HIVEP3: variants seen among roughly 807,000 people sequenced by gnomAD.
HIVEP3 encodes transcription factor HIVEP3.
A neutral mutation model predicts 152.8 loss-of-function variants in HIVEP3; 49 were observed. The observed-to-expected ratio is 0.32, with a 90% CI of 0.26 to 0.41. The LOEUF is 0.41. Among genes scored for constraint, HIVEP3 ranks in the 10% least tolerant of loss-of-function variants. HIVEP3 has a pLI of 1.00. For synonymous variants in HIVEP3, 1,269 were observed against 1,289.0 expected, an observed-to-expected ratio of 0.98 and a Z score of 0.33; for missense variants, 2,790 against 3,103.3, an observed-to-expected ratio of 0.90 and a Z score of 2.40.
intron 1 of HIVEP3, among the ~76,000 whole-genome samples, chr1:41,955,560 G>T (rs1645136079): frequency 1.3e-5 from 2 of 152,164 alleles, no homozygotes; most frequent in Admixed American, 6.5e-5. Flanking sequence ...GTCCTGTGAT[G>T]CATCCTGCCA....
chr1:41,997,246 G>C (rs963729222), intron 1 of HIVEP3, among the ~76,000 whole-genome samples: 1 of 152,206 alleles, frequency 6.6e-6, no homozygotes, highest in Non-Finnish European at 1.5e-5. Context: ...AGGGGTCATA[G>C]ACCCAACCTC....
chr1:41,575,165 A>G (rs1160397306), intron 5 of HIVEP3, among the ~76,000 whole-genome samples: 2 of 152,204 alleles, frequency 1.3e-5, no homozygotes, highest in Non-Finnish European at 1.5e-5. Context: ...GGCAGTACAG[A>G]GATGACTTTT....
At chr1:41,689,727 C>G (rs893443866) in intron 2 of HIVEP3, among the ~76,000 whole-genome samples, 1 of 152,224 alleles carries the variant, frequency 6.6e-6, no homozygotes, top group African/African-American at 2.4e-5. Context: ...ATGCATGAAG[C>G]TATTTTAGAA....
chr1:41,924,513 T>A (rs1298542578), intron 1 of HIVEP3, among the ~76,000 whole-genome samples: 1 of 152,142 alleles, frequency 6.6e-6, no homozygotes, highest in South Asian at 2.1e-4. Flanking sequence ...ACAAGTCACA[T>A]GCAAGGAGAT....
chr1:41,532,168 AC>A (rs1159744937), intron 5 of HIVEP3, among the ~76,000 whole-genome samples: 1 of 120,882 alleles, frequency 8.3e-6, no homozygotes, highest in Non-Finnish European at 1.7e-5. Flanking sequence ...GAGATAGAGG[AC>A]AGGGGAGATG....
At chr1:41,830,782 AGATCCATCATCTCT>A (rs1642941749) in intron 1 of HIVEP3, among the ~76,000 whole-genome samples, 1 of 152,078 alleles carries the variant, frequency 6.6e-6, no homozygotes, top group African/African-American at 2.4e-5. Context: ...TCCTACACAT[AGATCCATCATCTCT>A]GAGTCTGTTT....
At chr1:41,638,672 G>A (rs1193673083) in intron 2 of HIVEP3, among the ~76,000 whole-genome samples, 2 of 152,250 alleles carry the variant, frequency 1.3e-5, no homozygotes, top group African/African-American at 4.8e-5. Flanking sequence ...CACCCACCCA[G>A]GGCAGGAAGG....
intron 1 of HIVEP3, among the ~76,000 whole-genome samples, chr1:41,968,689 G>A (rs1645212674): frequency 6.6e-6 from 1 of 152,144 alleles, no homozygotes; most frequent in South Asian, 2.1e-4. Flanking sequence ...ATTCAACATA[G>A]TATTCAAAGT....
At chr1:41,897,938 GGAGAGA>G (rs71065103) in intron 1 of HIVEP3, among the ~76,000 whole-genome samples, 2,725 of 129,812 alleles carry the variant, frequency 0.021, 49 homozygotes, top group African/African-American at 0.044. Context: ...TGAGAGAGAG[GGAGAGA>G]GAGAGAGAGA....
chr1:41,785,624 A>G (rs1242382099), intron 1 of HIVEP3, among the ~76,000 whole-genome samples: 1 of 152,216 alleles, frequency 6.6e-6, no homozygotes, highest in Non-Finnish European at 1.5e-5. Context: ...ATAATATTAA[A>G]TGAGACGAAA....
chr1:42,024,583 T>C (rs1386165006), intron 1 of HIVEP3, among the ~76,000 whole-genome samples: 2 of 152,244 alleles, frequency 1.3e-5, no homozygotes, highest in Non-Finnish European at 2.9e-5. Context: ...TTATATGCTA[T>C]TGTTGTCTTT....
At chr1:41,811,562 G>A (rs1400799179) in intron 1 of HIVEP3, among the ~76,000 whole-genome samples, 1 of 151,872 alleles carries the variant, frequency 6.6e-6, no homozygotes, top group African/African-American at 2.4e-5. Flanking sequence ...AGATAATGAG[G>A]CAGACAGAGA....
chr1:41,620,985 G>T (rs952322094), intron 3 of HIVEP3, among the ~76,000 whole-genome samples: 1 of 152,152 alleles, frequency 6.6e-6, no homozygotes, highest in Non-Finnish European at 1.5e-5. Context: ...TTCCATAACT[G>T]GTCAGCCCCA....
intron 1 of HIVEP3, among the ~76,000 whole-genome samples, chr1:41,729,388 C>A (rs747326543): frequency 6.6e-6 from 1 of 152,246 alleles, no homozygotes; most frequent in Non-Finnish European, 1.5e-5. Flanking sequence ...TGGCAAGAAA[C>A]TGAGAAGGCA....
chr1:41,644,859 G>GC (rs1053889494), intron 2 of HIVEP3, among the ~76,000 whole-genome samples: 7 of 152,028 alleles, frequency 4.6e-5, no homozygotes, highest in Non-Finnish European at 1.0e-4. Flanking sequence ...ACCACAGCTG[G>GC]CCCAGGTCGT....
At chr1:41,962,554 A>C (rs2124498388) in intron 1 of HIVEP3, among the ~76,000 whole-genome samples, 1 of 152,354 alleles carries the variant, frequency 6.6e-6, no homozygotes, top group Middle Eastern at 3.4e-3. Flanking sequence ...TGAGTGTATG[A>C]AAGTTATTAT....
intron 2 of HIVEP3, among the ~76,000 whole-genome samples, chr1:41,665,693 C>T (rs1190294177): frequency 7.8e-6 from 1 of 128,730 alleles, no homozygotes; most frequent in Non-Finnish European, 1.6e-5. Context: ...ATGCTTGTTT[C>T]CACGGAAATG....
intron 1 of HIVEP3, among the ~76,000 whole-genome samples, chr1:41,929,756 T>TATATATATA (rs1644987421): frequency 1.4e-5 from 1 of 72,106 alleles, no homozygotes; most frequent in South Asian, 5.8e-4. Context: ...ATATATATGT[T>TATATATATA]TAAACATGAG....
At chr1:41,525,613 A>C (rs1642877931) in intron 5 of HIVEP3, among the ~76,000 whole-genome samples, 1 of 152,130 alleles carries the variant, frequency 6.6e-6, no homozygotes, top group South Asian at 2.1e-4. Flanking sequence ...CCTCACCTGC[A>C]CGTCAGCCTG....
Sources: allele counts gnomAD v4.1 joint callset (sites outside exome capture counted in the v4.1 genomes callset), GRCh38; gene constraint gnomAD v4.1.1; transcripts MANE v1.5; gene names NCBI Gene and HGNC (gene_info 2026-07-23, HGNC 2026-07-21).